ARIH2: variants seen among roughly 807,000 people sequenced by gnomAD.
ARIH2 encodes the protein E3 ubiquitin-protein ligase ARIH2.
ARIH2 carries 12 observed loss-of-function variants against 79.8 expected under a neutral mutation model. That is an observed-to-expected ratio of 0.15 (90% confidence interval 0.10 to 0.24). The LOEUF (loss-of-function observed/expected upper bound fraction) is 0.24. ARIH2 is among the 10% of genes least tolerant of loss of function. The probability of loss-of-function intolerance (pLI) is 1.00; values close to 1 mark genes in which losing one functional copy is unlikely to be tolerated. For synonymous variants in ARIH2, 224 were observed against 213.9 expected (o/e 1.05, Z -0.41); for missense variants, 301 against 618.3 (o/e 0.49, Z 5.44).
At position 48,982,715 on chromosome 3, in the gene ARIH2, G is replaced by A; in HGVS notation, c.1327-181G>A. On this transcript the variant is annotated intron_variant, in intron 14 of 15. Coordinates refer to ENST00000356401, the MANE Select transcript of ARIH2 (RefSeq NM_006321.4). ...AGGGTGAATGTGGCCTTGCTGTTTGGATAGCCTTTTGTTTGGATTCTGGCT... is the reference window on the plus strand; with the variant it reads ...AGGGTGAATGTGGCCTTGCTGTTTGAATAGCCTTTTGTTTGGATTCTGGCT... 5.1e-6 allele frequency: 3 copies of A among 585,172 alleles called. No individual in the cohort carries two copies. The South Asian group carries it at 6.1e-5, about 12-fold the overall frequency. The allele number at this position is 585,172 out of a possible 1,614,324, so 36.2% of individuals were successfully genotyped here.
At position 48,973,753 on chromosome 3, in the gene ARIH2, A is replaced by G. The variant is rs1302485721; in HGVS notation, c.825A>G (p.Lys275=). 1.2e-6 allele frequency: 2 copies of G among 1,614,016 alleles called. No homozygotes were observed. Among genetic ancestry groups the G allele is most frequent in the African/African-American group, 2.7e-5 (2 of 74,918 alleles). ...HAPTDCATIR[K]WLTKCADDSE... ...CCACAGACTGTGCCACAATCCGGAA[A>G]TGGCTCACGAAGTGTGCAGACGACT... Residue 275 remains lysine, a synonymous_variant, in exon 9 of 16, where the codon AAA becomes AAG. Coordinates refer to ENST00000356401, the MANE Select transcript of ARIH2 (RefSeq NM_006321.4).
At chr3:48,981,222 C>G (rs2092737481) in intron 13 of ARIH2, among the ~76,000 whole-genome samples, 2 of 151,108 alleles carry the variant, frequency 1.3e-5, no homozygotes, top group African/African-American at 4.9e-5. Flanking sequence ...GTCCTGGCTA[C>G]TTGGAAGGCT....
At chr3:48,958,417 A>T (rs2090854263) in intron 3 of ARIH2, among the ~76,000 whole-genome samples, 2 of 152,144 alleles carry the variant, frequency 1.3e-5, no homozygotes, top group African/African-American at 2.4e-5. Context: ...ATCTCTATTT[A>T]AAAAAATAGA....
Position 48,967,177 on chromosome 3 carries a change from G to A in ARIH2, c.440G>A (p.Arg147Gln), listed in dbSNP as rs1270532962. 8.7e-6 allele frequency: 14 copies of A among 1,614,028 alleles called. No individual in the cohort carries two copies. The highest frequency in any genetic ancestry group is 6.7e-5 in the Admixed American group (4 of 59,986). ...HHCAVCMQFV[R>Q]KENLLSLACQ... ...TGTGCAGTGTGTATGCAGTTTGTGC[G>A]AAAGGAAAACCTACTCTCTCTGGCC... The change falls in exon 6 of 16, where the codon CGA (arginine) becomes CAA (glutamine). Residue 147 changes from arginine (R) to glutamine (Q), a missense_variant. By Grantham distance (43) the Arg-to-Gln change is conservative. This residue lies in a region of ARIH2 where 223 missense variants were observed against 349.4 expected (regional missense o/e 0.64). Coordinates refer to ENST00000356401, the MANE Select transcript of ARIH2 (RefSeq NM_006321.4).
rs1395797554 is a variant in ARIH2 at position 48,980,396 on chromosome 3, A to G, written c.1157A>G (p.Tyr386Cys). The G allele has an allele frequency of 6.2e-7, 1 of 1,614,108 alleles. No homozygotes were observed. Among genetic ancestry groups the G allele is most frequent in the East Asian group, 2.2e-5 (1 of 44,876 alleles). ...NKSLQLEAQT[Y>C]QRIHEKIQER... ...AGCTTGCAGCTAGAGGCACAGACAT[A>G]CCAGCGGATTCACGAGAAGATTCAG... Residue 386 changes from tyrosine to cysteine, a missense_variant, in exon 13 of 16, where the codon TAC (tyrosine) becomes TGC (cysteine). Tyr to Cys is a radical substitution (Grantham distance 194). This residue lies in a region of ARIH2 where 78 missense variants were observed against 268.9 expected (regional missense o/e 0.29). Transcript: ENST00000356401.
chr3:48,971,053 C>T (rs568653590), intron 8 of ARIH2, among the ~76,000 whole-genome samples: 9 of 152,330 alleles, frequency 5.9e-5, no homozygotes, highest in African/African-American at 2.2e-4. Flanking sequence ...TAATCTTTCT[C>T]TGTCTTGGCC....
At chr3:48,969,611 C>T (rs1284266319) in intron 7 of ARIH2, among the ~76,000 whole-genome samples, 2 of 151,784 alleles carry the variant, frequency 1.3e-5, no homozygotes, top group African/African-American at 4.8e-5. Flanking sequence ...CCTTAGCCTC[C>T]CGAGCAACTG....
intron 3 of ARIH2, among the ~76,000 whole-genome samples, chr3:48,938,011 C>T (rs926564897): frequency 2.8e-4 from 41 of 147,652 alleles, no homozygotes; most frequent in Non-Finnish European, 5.6e-4. Context: ...TGTGCCACTG[C>T]ACTCCAGCCT....
chr3:48,946,903 A>G (rs907884995), intron 3 of ARIH2, among the ~76,000 whole-genome samples: 6 of 152,006 alleles, frequency 3.9e-5, no homozygotes, highest in African/African-American at 1.4e-4. Flanking sequence ...GCTTGCCCCC[A>G]CTTTTCTACC....
chr3:48,940,794 C>CAAA (rs761364123), intron 3 of ARIH2, among the ~76,000 whole-genome samples: 5,629 of 68,108 alleles, frequency 0.083, 650 homozygotes, highest in East Asian at 0.62. Context: ...GACTCCGTCT[C>CAAA]AAAAAAAAAA....
intron 3 of ARIH2, among the ~76,000 whole-genome samples, chr3:48,938,386 G>A (rs1411493281): frequency 1.3e-5 from 2 of 151,970 alleles, no homozygotes; most frequent in Non-Finnish European, 2.9e-5. Context: ...ACAAACAGTG[G>A]CATACCCATA....
intron 3 of ARIH2, chr3:48,934,683 G>A: frequency 1.0e-6 from 1 of 985,414 alleles, no homozygotes; most frequent in South Asian, 4.7e-5. Context: ...TTACTGATGT[G>A]TAAATTCATT....
intron 8 of ARIH2, 23 bp downstream of exon 8, chr3:48,970,727 A>C: frequency 6.3e-7 from 1 of 1,579,718 alleles, no homozygotes; most frequent in Non-Finnish European, 8.7e-7. Flanking sequence ...GTGAGTGCTG[A>C]GCAGCCCTGG....
chr3:48,977,543 C>T (rs1423632488), intron 11 of ARIH2, among the ~76,000 whole-genome samples: 1 of 151,956 alleles, frequency 6.6e-6, no homozygotes, highest in Non-Finnish European at 1.5e-5. Flanking sequence ...CTGCAACCTC[C>T]GCCTCCTGGG....
chr3:48,944,858 C>T (rs753631314), intron 3 of ARIH2: 27 of 312,940 alleles, frequency 8.6e-5, no homozygotes, highest in South Asian at 5.4e-4. Context: ...TCCCCCGGAC[C>T]CAAATCCATC....
At chr3:48,967,731 T>C (rs1211583669) in intron 6 of ARIH2, among the ~76,000 whole-genome samples, 1 of 152,222 alleles carries the variant, frequency 6.6e-6, no homozygotes, top group African/African-American at 2.4e-5. Flanking sequence ...AGTCCCACAA[T>C]TGGTGATAAT....
At chr3:48,950,873 G>T (rs1475339627) in intron 3 of ARIH2, among the ~76,000 whole-genome samples, 1 of 150,960 alleles carries the variant, frequency 6.6e-6, no homozygotes, top group Non-Finnish European at 1.5e-5. Flanking sequence ...CTGCTATATA[G>T]AAATACTTTT....
At chr3:48,965,100 A>G in intron 5 of ARIH2, 118 bp downstream of exon 5, 1 of 844,616 alleles carries the variant, frequency 1.2e-6, no homozygotes, top group Non-Finnish European at 1.8e-6. Flanking sequence ...CACGCCTGTA[A>G]TCCCAGCACT....
intron 3 of ARIH2, among the ~76,000 whole-genome samples, chr3:48,937,664 A>G (rs1254106887): frequency 6.6e-6 from 1 of 152,112 alleles, no homozygotes; most frequent in Non-Finnish European, 1.5e-5. Context: ...TTTGACTCCA[A>G]ACCTCTACTT....
Sources: allele counts gnomAD v4.1 joint callset (sites outside exome capture counted in the v4.1 genomes callset), GRCh38; gene constraint gnomAD v4.1.1; regional missense constraint gnomAD v4.1.1; transcripts MANE v1.5; gene names NCBI Gene and HGNC (gene_info 2026-07-23, HGNC 2026-07-21).